The following SNAPC5 variants were observed in gnomAD, a reference collection of about 807,000 sequenced individuals.
SNAPC5 encodes snRNA-activating protein complex subunit 5.
A neutral mutation model predicts 9.1 loss-of-function variants in SNAPC5; 12 were observed. That is an observed-to-expected ratio of 1.32 (90% CI 0.85 to 2.15). The LOEUF (loss-of-function observed/expected upper bound fraction) is 2.15. SNAPC5 is among the 30% of genes most tolerant of loss of function. The pLI is 0.00. For synonymous variants in SNAPC5, 52 were observed against 47.3 expected (o/e 1.10, Z -0.41); for missense variants, 132 against 114.4 (o/e 1.15, Z -0.70).
At chr15:66,490,789 ATTC>A (rs1404179557), downstream of SNAPC5, 2 of 692,706 alleles carry the variant, frequency 2.9e-6, no homozygotes, top group African/African-American at 1.8e-5. Context: ...TACTGTCTTT[ATTC>A]TTATTACTAT....
chr15:66,490,285 C>G (rs1264349735), downstream of SNAPC5: 2 of 680,768 alleles, frequency 2.9e-6, no homozygotes, highest in Non-Finnish European at 5.4e-6. Flanking sequence ...GAGTAGGCTC[C>G]AAGAGGTGAC....
chr15:66,497,549 G>A (rs905455116), intron 1 of SNAPC5, 93 bp downstream of exon 1: 5 of 1,094,164 alleles, frequency 4.6e-6, no homozygotes, highest in East Asian at 4.7e-5. Context: ...CGGAGAACTG[G>A]CCGCAGCAGG....
chr15:66,494,632 T>G, intron 2 of SNAPC5, 80 bp from the exon 3 acceptor site: 1 of 999,176 alleles, frequency 1.0e-6, no homozygotes, highest in South Asian at 1.4e-5. Context: ...TGACTTAAAA[T>G]CAGATCTCAA....
downstream of SNAPC5, chr15:66,492,002 C>T (rs1385591825): frequency 6.6e-6 from 3 of 456,562 alleles, no homozygotes; most frequent in Non-Finnish European, 1.3e-5. Context: ...GCTTGCCTAC[C>T]TGGTGTGGGA....
intron 1 of SNAPC5, among the ~76,000 whole-genome samples, chr15:66,496,089 T>TA (rs1437950046): frequency 6.6e-6 from 1 of 151,336 alleles, no homozygotes; most frequent in Non-Finnish European, 1.5e-5. Context: ...GAAAAATGCT[T>TA]ATGATTTTGA....
intron 1 of SNAPC5, among the ~76,000 whole-genome samples, chr15:66,496,300 T>C (rs1375758939): frequency 6.6e-6 from 1 of 152,092 alleles, no homozygotes; most frequent in East Asian, 1.9e-4. Flanking sequence ...ACCCCGTCTC[T>C]ACTAAATACA....
Position 66,494,838 on chromosome 15 carries a change from T to A in SNAPC5, c.181-286A>T, listed in dbSNP as rs559150958. On this transcript the variant is annotated intron_variant, in intron 2 of 2. Coordinates refer to ENST00000316634, the MANE Select transcript of SNAPC5 (RefSeq NM_001329615.2). ...TGTGCTGCTGTATCATGGTTTTAAA[T>A]GTCTTAACACACAAAATCTGGGAGA... 3.0e-5 allele frequency: 11 copies of A among 370,170 alleles called. No homozygotes were observed. The East Asian group carries it at 6.0e-4, about 20-fold the overall frequency. The allele number at this position is 370,170 out of a possible 1,614,324, so 22.9% of individuals were successfully genotyped here.
chr15:66,490,485 C>A, downstream of SNAPC5: 1 of 1,562,512 alleles, frequency 6.4e-7, no homozygotes, highest in South Asian at 1.1e-5. Context: ...CACGTCCTCT[C>A]GTTTCCTTAC....
chr15:66,495,055 T>TC, intron 2 of SNAPC5: 1 of 453,254 alleles, frequency 2.2e-6, no homozygotes. Context: ...ATCTCCACTC[T>TC]CCCCCGGGTT....
Position 66,496,242 on chromosome 15 carries a change from G to C in SNAPC5, c.91-823C>G, listed in dbSNP as rs141466328. Among the ~76,000 whole-genome samples, 496 of 152,132 alleles carry C rather than the reference G, an allele frequency of 3.3e-3. 3 individuals carry two copies. Among genetic ancestry groups the C allele is most frequent in the African/African-American group, 0.011 (472 of 41,502 alleles). On this transcript the variant is annotated intron_variant, in intron 1 of 2. Transcript: ENST00000316634. ...GCACTTAGGGAGGAAGAGGCAGGTG[G>C]ATCACCTGAGGTCAGGAGTTCGAGA...
intron 2 of SNAPC5, 44 bp downstream of exon 2, chr15:66,495,286 C>A (rs751531505): frequency 2.7e-6 from 3 of 1,106,310 alleles, no homozygotes; most frequent in Middle Eastern, 2.0e-4. Context: ...GGGAGCAGAG[C>A]AGACTTTGCA....
intron 2 of SNAPC5, 71 bp from the exon 3 acceptor site, chr15:66,494,623 G>GAC: frequency 9.2e-7 from 1 of 1,091,438 alleles, no homozygotes; most frequent in South Asian, 1.3e-5. Flanking sequence ...TCTTAAAAAT[G>GAC]ACTTAAAATC....
intron 1 of SNAPC5, among the ~76,000 whole-genome samples, chr15:66,495,954 G>C (rs560551944): frequency 6.6e-6 from 1 of 152,326 alleles, no homozygotes; most frequent in Admixed American, 6.5e-5. Context: ...CGGGCGCGGT[G>C]GCTCACGCCT....
chr15:66,495,443 CTT>C (rs1893395149), intron 1 of SNAPC5, 24 bp from the exon 2 acceptor site: 1 of 1,308,942 alleles, frequency 7.6e-7, no homozygotes. Context: ...GTTGAGGACA[CTT>C]TTCCTTACTA....
rs1567031025 is a variant in SNAPC5 at position 66,495,344 on chromosome 15, C to G, written c.166G>C (p.Glu56Gln). ...ATTAAGCTTACATCATGTGACTGTT[C>G]AGGTACAGTGTGAGAAGACAGCATC... ...DEMLSSHTVP[E>Q]QSHDMLVHVD... Residue 56 changes from glutamate (E) to glutamine (Q), a missense_variant, in exon 2 of 3, where the codon GAA (glutamate) becomes CAA (glutamine). Coordinates refer to ENST00000316634, the MANE Select transcript of SNAPC5 (RefSeq NM_001329615.2). 1 of 1,592,262 alleles carries G rather than the reference C, an allele frequency of 6.3e-7. No homozygotes were observed. The highest frequency in any genetic ancestry group is 8.6e-7 in the Non-Finnish European group (1 of 1,159,956).
chr15:66,494,870 C>G (rs1893374761), intron 2 of SNAPC5: 2 of 331,228 alleles, frequency 6.0e-6, no homozygotes, highest in South Asian at 8.2e-5. Context: ...GAGAACTGCT[C>G]AAATATTGTG....
rs1893350311 is a variant in SNAPC5, at chr15:66,494,258, A to G, written c.*178T>C. On this transcript the variant is annotated 3_prime_UTR_variant, in exon 3 of 3. Coordinates refer to ENST00000316634, the MANE Select transcript of SNAPC5 (RefSeq NM_001329615.2). ...TCTTTGATTTTCTGTATGTCATAAC[A>G]TTCTGAAGCTTGAGTTACCGATGGA... 6.3e-6 allele frequency: 4 copies of G among 637,244 alleles called. No homozygotes were observed. The highest frequency in any genetic ancestry group is 1.8e-5 in the African/African-American group (1 of 55,112). The allele number at this position is 637,244 out of a possible 1,614,324, so 39.5% of individuals were successfully genotyped here.
chr15:66,494,453 C>G lies in SNAPC5; in HGVS notation c.280G>C (p.Glu94Gln). The G allele has an allele frequency of 6.2e-7, 1 of 1,611,866 alleles. No individual in the cohort carries two copies. The highest frequency in any genetic ancestry group is 8.5e-7 in the Non-Finnish European group (1 of 1,178,924). ...VTEEEEEEEE[E>Q]ESDS ...CCCCTCCTTTAGGAATCTGATTCTT[C>G]TTCCTCTTCCTCCTCCTCCTCTTCC... Residue 94 changes from glutamate to glutamine, a missense_variant, in exon 3 of 3, where the codon GAA (glutamate) becomes CAA (glutamine). By Grantham distance (29) the Glu-to-Gln change is conservative. Coordinates refer to ENST00000316634, the MANE Select transcript of SNAPC5 (RefSeq NM_001329615.2).
downstream of SNAPC5, chr15:66,490,641 G>C (rs749220939): frequency 6.3e-7 from 1 of 1,575,896 alleles, no homozygotes; most frequent in Non-Finnish European, 8.7e-7. Flanking sequence ...CAAAGAGCGA[G>C]TCCCCTGCCC....
Sources: allele counts gnomAD v4.1 joint callset (sites outside exome capture counted in the v4.1 genomes callset), GRCh38; gene constraint gnomAD v4.1.1; transcripts MANE v1.5; gene names NCBI Gene and HGNC (gene_info 2026-07-23, HGNC 2026-07-21).